ZBTB25: variants seen among roughly 807,000 people sequenced by gnomAD.
The protein encoded by ZBTB25 is zinc finger and BTB domain containing 25.
Under a neutral mutation model 34.2 loss-of-function variants are expected in ZBTB25, and 20 were observed. The ratio of observed to expected loss-of-function variants is 0.58; its 90% CI spans 0.41 to 0.85. The LOEUF is 0.85. ZBTB25 is among the 40% of genes least tolerant of loss of function. The probability of loss-of-function intolerance (pLI) is 0.00; values close to 1 mark genes in which losing one functional copy is unlikely to be tolerated. For missense variants in ZBTB25, 437 were observed against 521.8 expected (o/e 0.84, Z 1.58); for synonymous variants, 175 against 186.4 (o/e 0.94, Z 0.50).
chr14:64,468,962 G>A (rs754390366), intron 2 of ZBTB25: 48 of 1,614,108 alleles, frequency 3.0e-5, no homozygotes, highest in Non-Finnish European at 3.9e-5. Context: ...CTCACGGAAA[G>A]ATGGTGATGA....
intron 2 of ZBTB25, chr14:64,467,492 G>A (rs577319997): frequency 5.3e-5 from 8 of 152,226 alleles, no homozygotes. Flanking sequence ...TTTAAGAGTG[G>A]GAAATGACAG....
Position 64,484,447 on chromosome 14 carries a change from C to G in ZBTB25, c.*2476G>C, listed in dbSNP as rs907800576. The stretch of plus-strand genomic sequence containing the variant: ...CTGTAATCCCAGCACTATGGGAGGC[C>G]GAGGCTGGTGCATGACCTGAGGTCA... On this transcript the variant is annotated 3_prime_UTR_variant, in exon 3 of 3. Transcript: ENST00000608382. 8 of 152,296 alleles carry G rather than the reference C, an allele frequency of 5.3e-5. No individual in the cohort carries two copies. The highest frequency in any genetic ancestry group is 1.7e-4 in the African/African-American group (7 of 41,426). The allele number at this position is 152,296 out of a possible 1,614,324, so 9.4% of individuals were successfully genotyped here.
Position 64,503,727 on chromosome 14 carries a change from T to A in ZBTB25, c.-74A>T. 1 of 535,062 alleles carries A rather than the reference T, an allele frequency of 1.9e-6. No individual in the cohort carries two copies. The highest frequency in any genetic ancestry group is 2.4e-6 in the Non-Finnish European group (1 of 418,326). The allele number at this position is 535,062 out of a possible 1,614,324, so 33.1% of individuals were successfully genotyped here. A position where few individuals can be genotyped will look rare whatever the true frequency, so the allele number is the denominator to read the frequency against. ...AGGGGCGGGCTCCCAAGCCGCGCAC[T>A]GCAAGCAGTGGCGCCGGCTCACGCA... On this transcript the variant is annotated 5_prime_UTR_variant, in exon 1 of 3. Coordinates refer to ENST00000608382, the MANE Select transcript of ZBTB25 (RefSeq NM_006977.5).
At chr14:64,454,872 A>G in intron 2 of ZBTB25, 3 of 1,614,180 alleles carry the variant, frequency 1.9e-6, no homozygotes, top group Non-Finnish European at 1.7e-6. Flanking sequence ...CCTTAGTAGG[A>G]ACGGTAAGTG....
Position 64,488,074 on chromosome 14 carries a change from C to T in ZBTB25, c.174-17G>A. ...ATGCATTCACTGTTAAAAACAAAAA[C>T]AGACCCACAAGAAATGAAACACAAC... is the stretch of plus-strand genomic sequence containing the variant. On this transcript the variant is annotated splice_polypyrimidine_tract_variant and intron_variant, in intron 2 of 2. Coordinates refer to ENST00000608382, the MANE Select transcript of ZBTB25 (RefSeq NM_006977.5). 1 of 1,603,048 alleles carries T rather than the reference C, an allele frequency of 6.2e-7. No individual in the cohort carries two copies. The highest frequency in any genetic ancestry group is 8.5e-7 in the Non-Finnish European group (1 of 1,173,478).
intron 2 of ZBTB25, chr14:64,453,736 C>G (rs2078417684): frequency 6.8e-7 from 1 of 1,461,506 alleles, no homozygotes; most frequent in African/African-American, 1.4e-5. Flanking sequence ...GTGTCCCCAT[C>G]TCTTTCTTGT....
Position 64,502,868 on chromosome 14 carries a change from A to G in ZBTB25, c.-8+793T>C, listed in dbSNP as rs968007341. 15 of 984,536 alleles carry G rather than the reference A, an allele frequency of 1.5e-5. No homozygotes were observed. The African/African-American group carries it at 2.6e-4, about 17-fold the overall frequency. 61.0% of individuals were successfully genotyped at this position (984,536 alleles called of 1,614,324 possible). A position where few individuals can be genotyped will look rare whatever the true frequency, so the allele number is the denominator to read the frequency against. Reference sequence around the variant, plus strand: ...TTTCTATAAGGCACCTCTCGGCTCTAAAATTTAAGATTCCAAAGTGTACTT... The same window carrying G: ...TTTCTATAAGGCACCTCTCGGCTCTGAAATTTAAGATTCCAAAGTGTACTT... On this transcript the variant is annotated intron_variant, in intron 1 of 2. Transcript: ENST00000608382.
At chr14:64,456,174 G>A (rs2078470194) in intron 2 of ZBTB25, among the ~76,000 whole-genome samples, 1 of 152,070 alleles carries the variant, frequency 6.6e-6, no homozygotes, top group Non-Finnish European at 1.5e-5. Context: ...GCCAGTGAGA[G>A]TCAGGCTGTA....
At chr14:64,496,563 A>C (rs1425008251) in intron 1 of ZBTB25, among the ~76,000 whole-genome samples, 1 of 152,228 alleles carries the variant, frequency 6.6e-6, no homozygotes, top group Non-Finnish European at 1.5e-5. Flanking sequence ...TACTATATTC[A>C]AAATTAAAAG....
intron 2 of ZBTB25, among the ~76,000 whole-genome samples, chr14:64,450,904 A>T (rs924885040): frequency 6.6e-6 from 1 of 152,022 alleles, no homozygotes; most frequent in Admixed American, 6.5e-5. Context: ...ACAGTGGCTC[A>T]CCCCTGTAAC....
chr14:64,461,245 G>A (rs954440347), intron 2 of ZBTB25: 6 of 152,110 alleles, frequency 3.9e-5, no homozygotes, highest in South Asian at 4.2e-4. Context: ...AATTCCCTAG[G>A]TCCATGTCAA....
chr14:64,456,288 A>G (rs1241018653), intron 2 of ZBTB25, among the ~76,000 whole-genome samples: 1 of 152,226 alleles, frequency 6.6e-6, no homozygotes, highest in African/African-American at 2.4e-5. Flanking sequence ...GTTTCCACAC[A>G]TGATCAAATG....
intron 1 of ZBTB25, among the ~76,000 whole-genome samples, chr14:64,491,797 A>G (rs148329231): frequency 3.2e-4 from 49 of 152,308 alleles, no homozygotes; most frequent in African/African-American, 1.1e-3. Flanking sequence ...AGACACTGAA[A>G]AAGAGAATGA....
At chr14:64,488,816 G>T (rs180832365) in intron 2 of ZBTB25, among the ~76,000 whole-genome samples, 1 of 152,268 alleles carries the variant, frequency 6.6e-6, no homozygotes, top group African/African-American at 2.4e-5. Context: ...AAAAGTTTTG[G>T]AAATAGACAG....
intron 2 of ZBTB25, among the ~76,000 whole-genome samples, chr14:64,463,627 CA>C (rs199975542): frequency 1.5e-3 from 183 of 123,392 alleles, no homozygotes; most frequent in Non-Finnish European, 1.3e-3. Flanking sequence ...GCCATCTCTA[CA>C]AAAAAAAAAA....
intron 2 of ZBTB25, chr14:64,470,426 C>T (rs1423241242): frequency 2.5e-5 from 4 of 159,052 alleles, no homozygotes; most frequent in African/African-American, 7.2e-5. Context: ...CCCATCTCTA[C>T]TGAAAATACA....
chr14:64,473,927 G>C (rs2078698059), downstream of ZBTB25: 1 of 166,594 alleles, frequency 6.0e-6, no homozygotes, highest in African/African-American at 2.4e-5. Flanking sequence ...AATTTGTAAT[G>C]CTCCTTAGTT....
In ZBTB25 at chr14:64,503,693, C is replaced by T. The variant is rs2140040965; in HGVS notation, c.-40G>A. On this transcript the variant is annotated 5_prime_UTR_variant, in exon 1 of 3. Transcript: ENST00000608382. ...CCGCCGCGGCGGCAGGCCGACTCCT[C>T]CGTGCAGGAGGGGCGGGCTCCCAAG... The T allele has an allele frequency of 2.4e-6, 2 of 829,052 alleles. No individual in the cohort carries two copies. The highest frequency in any genetic ancestry group is 1.1e-4 in the South Asian group (2 of 18,128). The allele number at this position is 829,052 out of a possible 1,614,324, so 51.4% of individuals were successfully genotyped here.
intron 1 of ZBTB25, among the ~76,000 whole-genome samples, chr14:64,495,431 G>A (rs574494163): frequency 5.1e-4 from 78 of 152,240 alleles, no homozygotes; most frequent in Middle Eastern, 6.8e-3. Flanking sequence ...TTCTTTCTAG[G>A]ATTTTCTCCT....
Sources: gnomAD v4.1 joint callset for allele counts (sites outside exome capture counted in the v4.1 genomes callset) on GRCh38, gnomAD v4.1.1 for gene constraint, MANE v1.5 for transcripts, NCBI Gene and HGNC (gene_info 2026-07-23, HGNC 2026-07-21) for gene names.